Variants in MEIS1 observed in about 807,000 individuals in gnomAD.
MEIS1 encodes homeobox protein Meis1.
A neutral mutation model predicts 50.8 loss-of-function variants in MEIS1; 5 were observed. The observed-to-expected ratio is 0.10, with a 90% CI of 0.05 to 0.21. MEIS1 has a LOEUF of 0.21. MEIS1 is among the 10% of genes least tolerant of loss of function. The pLI is 1.00. For synonymous variants in MEIS1, 176 were observed against 179.3 expected (o/e 0.98, Z 0.15); for missense variants, 318 against 517.3 (o/e 0.61, Z 3.74).
At chr2:66,450,545 C>T (rs1156917427) in intron 6 of MEIS1, among the ~76,000 whole-genome samples, 1 of 152,160 alleles carries the variant, frequency 6.6e-6, no homozygotes, top group Non-Finnish European at 1.5e-5. Flanking sequence ...ATGGCCACAA[C>T]CTTATGAGTT....
At chr2:66,446,027 G>C (rs1181857721) in intron 6 of MEIS1, among the ~76,000 whole-genome samples, 1 of 152,036 alleles carries the variant, frequency 6.6e-6, no homozygotes, top group Non-Finnish European at 1.5e-5. Context: ...TGGCTGTTCC[G>C]GGCTCCCAGA....
chr2:66,568,122 AAC>A (rs1423021797), intron 10 of MEIS1: 2 of 155,412 alleles, frequency 1.3e-5, no homozygotes, highest in African/African-American at 4.9e-5. Flanking sequence ...TTTTTTTAAT[AAC>A]AGTCTTTTTG....
At chr2:66,460,530 A>G (rs1384805326) in intron 6 of MEIS1, among the ~76,000 whole-genome samples, 2 of 152,194 alleles carry the variant, frequency 1.3e-5, no homozygotes, top group African/African-American at 4.8e-5. Flanking sequence ...TAGAACTAGA[A>G]AAAACATGAG....
intron 4 of MEIS1, 59 bp from the exon 5 acceptor site, chr2:66,441,355 T>A: frequency 1.4e-6 from 2 of 1,471,032 alleles, no homozygotes; most frequent in South Asian, 1.3e-5. Context: ...GGTAGAGCTG[T>A]GGCAGCCAGT....
chr2:66,530,900 C>T (rs769610818), intron 8 of MEIS1, among the ~76,000 whole-genome samples: 4 of 152,164 alleles, frequency 2.6e-5, no homozygotes, highest in Non-Finnish European at 4.4e-5. Flanking sequence ...AAGAAGTTTG[C>T]AAAGTTGTTA....
chr2:66,487,174 C>G (rs1443281446), intron 7 of MEIS1, among the ~76,000 whole-genome samples: 2 of 152,090 alleles, frequency 1.3e-5, no homozygotes, highest in East Asian at 3.9e-4. Flanking sequence ...AAAAATAGGA[C>G]AAGATTTGTG....
intron 7 of MEIS1, 128 bp downstream of exon 7, chr2:66,464,348 G>C (rs1672587575): frequency 1.3e-6 from 1 of 748,710 alleles, no homozygotes; most frequent in Non-Finnish European, 2.3e-6. Context: ...TTGAGAATCA[G>C]CTCATCTTAT....
intron 8 of MEIS1, among the ~76,000 whole-genome samples, chr2:66,523,245 C>G (rs1572876084): frequency 1.3e-5 from 2 of 152,258 alleles, no homozygotes; most frequent in South Asian, 2.1e-4. Flanking sequence ...AATCAATAGG[C>G]CAGCATAGTC....
chr2:66,534,940 G>A (rs1255033614), intron 8 of MEIS1, among the ~76,000 whole-genome samples: 1 of 152,134 alleles, frequency 6.6e-6, no homozygotes, highest in Non-Finnish European at 1.5e-5. Context: ...AGGAATGATG[G>A]CAGCTAATTT....
intron 7 of MEIS1, among the ~76,000 whole-genome samples, chr2:66,488,633 G>A (rs1406184866): frequency 2.0e-5 from 3 of 152,212 alleles, no homozygotes; most frequent in Non-Finnish European, 4.4e-5. Context: ...AGCCGAGATC[G>A]CGCCACTGCA....
At chr2:66,460,175 T>C (rs1672486073) in intron 6 of MEIS1, among the ~76,000 whole-genome samples, 1 of 152,178 alleles carries the variant, frequency 6.6e-6, no homozygotes, top group South Asian at 2.1e-4. Context: ...TAGTGACTAA[T>C]GAACAATTCA....
intron 8 of MEIS1, among the ~76,000 whole-genome samples, chr2:66,541,078 C>T (rs1388235559): frequency 6.6e-6 from 1 of 151,398 alleles, no homozygotes; most frequent in Non-Finnish European, 1.5e-5. Context: ...CACTCAGTCA[C>T]CCAGGCTGGA....
At chr2:66,562,990 A>T (rs1203573140) in intron 9 of MEIS1, among the ~76,000 whole-genome samples, 1 of 152,310 alleles carries the variant, frequency 6.6e-6, no homozygotes, top group East Asian at 1.9e-4. Context: ...CTTTTTCAAG[A>T]ATCCCAATGT....
intron 9 of MEIS1, among the ~76,000 whole-genome samples, chr2:66,561,770 G>A (rs1358673963): frequency 1.3e-5 from 2 of 152,100 alleles, no homozygotes; most frequent in Non-Finnish European, 2.9e-5. Flanking sequence ...GGAACCTTCT[G>A]AAGTAATTCT....
chr2:66,526,345 G>T (rs1055570984), intron 8 of MEIS1, among the ~76,000 whole-genome samples: 2 of 152,164 alleles, frequency 1.3e-5, no homozygotes, highest in African/African-American at 4.8e-5. Context: ...CATTAGTCAG[G>T]GTTCTTTTCT....
At chr2:66,494,132 A>T (rs560662803) in intron 7 of MEIS1, among the ~76,000 whole-genome samples, 14 of 152,340 alleles carry the variant, frequency 9.2e-5, no homozygotes, top group African/African-American at 3.4e-4. Context: ...AAAGAGTGGC[A>T]TGATCTCAAA....
intron 7 of MEIS1, among the ~76,000 whole-genome samples, chr2:66,492,972 C>T (rs1048106172): frequency 8.5e-5 from 13 of 152,184 alleles, no homozygotes; most frequent in African/African-American, 3.1e-4. Context: ...CTCCTACCTT[C>T]ATAAAGGGAA....
At chr2:66,497,081 G>C (rs995075099) in intron 7 of MEIS1, among the ~76,000 whole-genome samples, 1 of 152,056 alleles carries the variant, frequency 6.6e-6, no homozygotes, top group African/African-American at 2.4e-5. Flanking sequence ...TCACTTTATG[G>C]GTCAGACATG....
intron 2 of MEIS1, chr2:66,439,499 A>AG (rs1330960575): frequency 6.9e-7 from 1 of 1,449,702 alleles, no homozygotes; most frequent in Admixed American, 2.5e-5. Context: ...TGTGCAGTGG[A>AG]GGGGACGAGG....
Sources: allele counts gnomAD v4.1 joint callset (sites outside exome capture counted in the v4.1 genomes callset), GRCh38; gene constraint gnomAD v4.1.1; transcripts MANE v1.5; gene names NCBI Gene and HGNC (gene_info 2026-07-23, HGNC 2026-07-21).